The following MAP3K20 variants were observed in gnomAD, a reference collection of about 807,000 sequenced individuals.
MAP3K20 encodes the protein mitogen-activated protein kinase kinase kinase 20.
Under a neutral mutation model 85.7 loss-of-function variants are expected in MAP3K20, and 40 were observed. That is an observed-to-expected ratio of 0.47 (90% CI 0.36 to 0.61). The LOEUF (loss-of-function observed/expected upper bound fraction) is 0.61. Among genes scored for constraint, MAP3K20 ranks in the 20% least tolerant of loss-of-function variants. The probability of loss-of-function intolerance (pLI) is 0.00; values close to 1 mark genes in which losing one functional copy is unlikely to be tolerated. For synonymous variants in MAP3K20, 325 were observed against 327.7 expected, an observed-to-expected ratio of 0.99 and a Z score of 0.09; for missense variants, 817 against 961.7, an observed-to-expected ratio of 0.85 and a Z score of 1.99.
intron 1 of MAP3K20, among the ~76,000 whole-genome samples, chr2:173,078,858 A>G (rs1311600974): frequency 1.3e-5 from 2 of 152,180 alleles, no homozygotes; most frequent in Admixed American, 6.5e-5. Context: ...ATGGTAGAAA[A>G]CAATGATATG....
chr2:173,158,066 C>T (rs1051565913), intron 2 of MAP3K20, among the ~76,000 whole-genome samples: 1 of 152,170 alleles, frequency 6.6e-6, no homozygotes, highest in Non-Finnish European at 1.5e-5. Flanking sequence ...CTGGCTTTGC[C>T]ATTTCTTGTA....
chr2:173,227,972 C>T (rs1684431697), intron 11 of MAP3K20, among the ~76,000 whole-genome samples: 1 of 152,142 alleles, frequency 6.6e-6, no homozygotes, highest in Non-Finnish European at 1.5e-5. Flanking sequence ...TTTCTTTGAT[C>T]CAGTTCAGCT....
chr2:173,254,517 G>C (rs1685116461), intron 16 of MAP3K20, among the ~76,000 whole-genome samples: 1 of 151,902 alleles, frequency 6.6e-6, no homozygotes, highest in Non-Finnish European at 1.5e-5. Flanking sequence ...AAAGGTTGCA[G>C]ATATGTAAGT....
intron 2 of MAP3K20, among the ~76,000 whole-genome samples, chr2:173,098,768 C>G (rs987710374): frequency 6.6e-6 from 1 of 152,132 alleles, no homozygotes. Flanking sequence ...TTTTCTCTCC[C>G]CAGTTAGAAT....
At chr2:173,264,082 C>T (rs1341083329) in intron 19 of MAP3K20, among the ~76,000 whole-genome samples, 187 bp downstream of exon 19, 1 of 152,164 alleles carries the variant, frequency 6.6e-6, no homozygotes, top group African/African-American at 2.4e-5. Flanking sequence ...GCCCCAGGAC[C>T]AGGAGCATCG....
Position 173,142,800 on chromosome 2 carries a change from A to G in MAP3K20, c.160-27005A>G, listed in dbSNP as rs544069370. Among the ~76,000 whole-genome samples, 30 of 152,330 alleles carry G rather than the reference A, an allele frequency of 2.0e-4. No homozygotes were observed. In the South Asian group the frequency reaches 3.7e-3, roughly 19 times the overall value. On this transcript the variant is annotated intron_variant, in intron 2 of 19. Coordinates refer to ENST00000375213, the MANE Select transcript of MAP3K20 (RefSeq NM_016653.3). ...AGTAAACTTAAGCCCAGTAATATAC[A>G]TAATTACATTAAGTATAAATGAATT...
intron 16 of MAP3K20, among the ~76,000 whole-genome samples, chr2:173,254,315 C>T (rs1356790729): frequency 6.6e-6 from 1 of 151,292 alleles, no homozygotes; most frequent in Non-Finnish European, 1.5e-5. Context: ...GTAGTCCCAG[C>T]TACTCTGAAT....
In MAP3K20 at chr2:173,121,561, G is replaced by A. The variant is rs377738035; in HGVS notation, c.159+30371G>A. Among the ~76,000 whole-genome samples the A allele has an allele frequency of 5.4e-4, 82 of 151,914 alleles. 1 individual carries two copies. In the South Asian group the frequency reaches 9.6e-3, roughly 18 times the overall value. ...GCCACCACGCCCGGCTAATTTTTTT[G>A]TATTTTTAGTAGAGACGGGGTTTCA... On this transcript the variant is annotated intron_variant, in intron 2 of 19. Coordinates refer to ENST00000375213, the MANE Select transcript of MAP3K20 (RefSeq NM_016653.3).
chr2:173,171,594 C>T (rs1422044529), intron 3 of MAP3K20, among the ~76,000 whole-genome samples: 2 of 152,310 alleles, frequency 1.3e-5, no homozygotes, highest in East Asian at 3.9e-4. Flanking sequence ...TCCCCTAGGT[C>T]ATCTCATCTG....
intron 2 of MAP3K20, among the ~76,000 whole-genome samples, chr2:173,099,190 T>C (rs1198411594): frequency 6.6e-6 from 1 of 152,082 alleles, no homozygotes; most frequent in Non-Finnish European, 1.5e-5. Flanking sequence ...ATGGCAAATG[T>C]ACATGAAACC....
chr2:173,086,761 C>G (rs746772061), intron 1 of MAP3K20, among the ~76,000 whole-genome samples: 2 of 152,194 alleles, frequency 1.3e-5, no homozygotes, highest in African/African-American at 2.4e-5. Flanking sequence ...CATCCACATT[C>G]CCTGGGCTTG....
intron 7 of MAP3K20, among the ~76,000 whole-genome samples, chr2:173,192,567 AAG>A (rs1690689321): frequency 6.6e-6 from 1 of 152,234 alleles, no homozygotes; most frequent in Non-Finnish European, 1.5e-5. Context: ...CTTAAGAATG[AAG>A]ACTATAAGCT....
At chr2:173,263,720 C>G (rs1296311167) in intron 18 of MAP3K20, 25 bp from the exon 19 acceptor site, 1 of 1,585,512 alleles carries the variant, frequency 6.3e-7, no homozygotes. Flanking sequence ...TTTTTTTTGT[C>G]TTTTTCGTTT....
chr2:173,145,228 C>T (rs573951210), intron 2 of MAP3K20, among the ~76,000 whole-genome samples: 1 of 151,534 alleles, frequency 6.6e-6, no homozygotes, highest in African/African-American at 2.4e-5. Context: ...GCCTGGGTGA[C>T]AGAGCAAGAC....
chr2:173,122,982 C>A (rs906846834), intron 2 of MAP3K20, among the ~76,000 whole-genome samples: 5 of 152,144 alleles, frequency 3.3e-5, no homozygotes, highest in Non-Finnish European at 5.9e-5. Context: ...GCAGCGCTCC[C>A]CTCACTTAGG....
At chr2:173,080,501 C>T (rs1001439801) in intron 1 of MAP3K20, among the ~76,000 whole-genome samples, 1 of 152,020 alleles carries the variant, frequency 6.6e-6, no homozygotes, top group African/African-American at 2.4e-5. Flanking sequence ...GGGTGGAAGG[C>T]GAAAGCAAGC....
chr2:173,165,156 ATTGGCACT>A (rs752364930), intron 2 of MAP3K20, among the ~76,000 whole-genome samples: 2 of 152,020 alleles, frequency 1.3e-5, no homozygotes, highest in African/African-American at 2.4e-5. Flanking sequence ...CTGAGTTAAA[ATTGGCACT>A]TTGGGAGGCC....
intron 10 of MAP3K20, among the ~76,000 whole-genome samples, 188 bp from the exon 11 acceptor site, chr2:173,216,927 A>G (rs1044116960): frequency 6.6e-6 from 1 of 152,092 alleles, no homozygotes; most frequent in Admixed American, 6.5e-5. Context: ...TTTTGAGCTT[A>G]TTTTTCCAAG....
intron 2 of MAP3K20, among the ~76,000 whole-genome samples, chr2:173,132,646 A>C (rs1192716847): frequency 6.6e-6 from 1 of 152,030 alleles, no homozygotes; most frequent in Admixed American, 6.6e-5. Context: ...CCCCTGTCAG[A>C]TATGTAGTGT....
Sources: gnomAD v4.1 joint callset for allele counts (sites outside exome capture counted in the v4.1 genomes callset) on GRCh38, gnomAD v4.1.1 for gene constraint, MANE v1.5 for transcripts, NCBI Gene and HGNC (gene_info 2026-07-23, HGNC 2026-07-21) for gene names.